PLXDC2: variants seen among roughly 807,000 people sequenced by gnomAD.
PLXDC2 encodes plexin domain containing 2.
A neutral mutation model predicts 68.9 loss-of-function variants in PLXDC2; 40 were observed. That is an observed-to-expected ratio of 0.58 (90% CI 0.45 to 0.76). The LOEUF (loss-of-function observed/expected upper bound fraction) is 0.76. Ranked by LOEUF, PLXDC2 falls within the 30% of genes least tolerant of loss-of-function variation. The pLI, the probability that PLXDC2 is intolerant of heterozygous loss-of-function variation, is 0.00. For missense variants in PLXDC2, 644 were observed against 661.9 expected (o/e 0.97, Z 0.30); for synonymous variants, 243 against 234.2 (o/e 1.04, Z -0.34).
intron 2 of PLXDC2, among the ~76,000 whole-genome samples, chr10:20,018,795 A>C (rs770633998): frequency 6.6e-6 from 1 of 152,204 alleles, no homozygotes; most frequent in African/African-American, 2.4e-5. Flanking sequence ...CAAAAGATTC[A>C]ATTTTTAATA....
chr10:19,834,376 T>C (rs1675186505), intron 1 of PLXDC2, among the ~76,000 whole-genome samples: 1 of 151,950 alleles, frequency 6.6e-6, no homozygotes, highest in Admixed American at 6.6e-5. Context: ...TCTGTGTGTG[T>C]CTGTGAAGAG....
chr10:20,142,246 A>G (rs1834016269), intron 4 of PLXDC2, among the ~76,000 whole-genome samples: 1 of 152,110 alleles, frequency 6.6e-6, no homozygotes, highest in African/African-American at 2.4e-5. Context: ...AAGTAGAAAA[A>G]TGATTTATAT....
chr10:20,067,407 C>T (rs979236432), intron 3 of PLXDC2, among the ~76,000 whole-genome samples: 7 of 152,180 alleles, frequency 4.6e-5, no homozygotes, highest in East Asian at 1.9e-4. Flanking sequence ...GCAGGTCAGC[C>T]GGGCATGGTG....
At chr10:19,969,647 TGG>T (rs1564642892) in intron 1 of PLXDC2, among the ~76,000 whole-genome samples, 1 of 152,224 alleles carries the variant, frequency 6.6e-6, no homozygotes, top group Non-Finnish European at 1.5e-5. Context: ...GGACATACCA[TGG>T]GAAGATCTCT....
At chr10:20,225,188 G>A (rs576940658) in intron 12 of PLXDC2, among the ~76,000 whole-genome samples, 20 of 152,136 alleles carry the variant, frequency 1.3e-4, no homozygotes, top group East Asian at 5.8e-4. Flanking sequence ...TTTTCATCCC[G>A]AGATAAAATT....
intron 1 of PLXDC2, among the ~76,000 whole-genome samples, chr10:19,908,291 G>T (rs142057490): frequency 3.3e-4 from 50 of 152,250 alleles, no homozygotes; most frequent in African/African-American, 1.0e-3. Context: ...GACATTTTAA[G>T]AAGTTTTCTA....
At chr10:19,903,481 C>T (rs1472657180) in intron 1 of PLXDC2, among the ~76,000 whole-genome samples, 2 of 151,764 alleles carry the variant, frequency 1.3e-5, no homozygotes, top group Non-Finnish European at 2.9e-5. Context: ...CTCACAGTAC[C>T]CTTGAATAAT....
chr10:20,185,304 G>T (rs977388247), intron 9 of PLXDC2, among the ~76,000 whole-genome samples: 1 of 151,564 alleles, frequency 6.6e-6, no homozygotes, highest in African/African-American at 2.4e-5. Context: ...TGTATTAAGA[G>T]ACAATGTGTC....
At chr10:20,270,522 T>C (rs1835924512) in intron 13 of PLXDC2, among the ~76,000 whole-genome samples, 1 of 152,080 alleles carries the variant, frequency 6.6e-6, no homozygotes, top group Non-Finnish European at 1.5e-5. Context: ...GTCCAGAATC[T>C]GAGCAACTGA....
At chr10:19,844,584 T>C (rs1169279972) in intron 1 of PLXDC2, among the ~76,000 whole-genome samples, 1 of 151,918 alleles carries the variant, frequency 6.6e-6, no homozygotes, top group Non-Finnish European at 1.5e-5. Flanking sequence ...ATTTTTATTT[T>C]TATTTTTCAA....
At chr10:20,064,100 C>G (rs1836152272) in intron 3 of PLXDC2, among the ~76,000 whole-genome samples, 2 of 151,058 alleles carry the variant, frequency 1.3e-5, no homozygotes, top group African/African-American at 4.9e-5. Flanking sequence ...GGTCTTCCCA[C>G]CACCATTTTC....
chr10:19,859,160 C>T (rs1424637324), intron 1 of PLXDC2, among the ~76,000 whole-genome samples: 7 of 152,108 alleles, frequency 4.6e-5, no homozygotes, highest in Non-Finnish European at 7.4e-5. Context: ...CATGAGGGAT[C>T]TGACCTCAGG....
At chr10:19,879,818 G>A (rs777078781) in intron 1 of PLXDC2, among the ~76,000 whole-genome samples, 24 of 152,114 alleles carry the variant, frequency 1.6e-4, no homozygotes, top group Non-Finnish European at 3.4e-4. Flanking sequence ...TCTGATTTTT[G>A]TGGTCAGTGA....
chr10:19,979,688 A>G (rs1437237163), intron 1 of PLXDC2, among the ~76,000 whole-genome samples: 1 of 152,140 alleles, frequency 6.6e-6, no homozygotes, highest in East Asian at 1.9e-4. Context: ...ACTTTTTCAA[A>G]TTATCACCTG....
At chr10:20,274,000 C>A (rs1263526973) in intron 13 of PLXDC2, among the ~76,000 whole-genome samples, 1 of 150,264 alleles carries the variant, frequency 6.7e-6, no homozygotes, top group African/African-American at 2.4e-5. Context: ...GATCATGCCA[C>A]CATACTCCAG....
chr10:19,887,624 A>G (rs563475808), intron 1 of PLXDC2, among the ~76,000 whole-genome samples: 1 of 152,240 alleles, frequency 6.6e-6, no homozygotes, highest in Non-Finnish European at 1.5e-5. Context: ...GGATAAATAA[A>G]AAGTGTGAGT....
rs1836080835 is a variant in PLXDC2 at position 20,281,442 on chromosome 10, A to G, written c.*1623A>G. On this transcript the variant is annotated 3_prime_UTR_variant, in exon 14 of 14. Coordinates refer to ENST00000377252, the MANE Select transcript of PLXDC2 (RefSeq NM_032812.9). ...TCAACATTTGCAGATTCAGGTCTCA[A>G]GAAGCAGAGATGTCTCATAAGCAGC... 6.6e-6 allele frequency: 1 copy of G among 152,194 alleles called. No individual in the cohort carries two copies. Among genetic ancestry groups the G allele is most frequent in the Non-Finnish European group, 1.5e-5 (1 of 68,042 alleles). The allele number at this position is 152,194 out of a possible 1,614,324, so 9.4% of individuals were successfully genotyped here.
intron 1 of PLXDC2, among the ~76,000 whole-genome samples, chr10:19,867,829 A>T (rs1470539394): frequency 1.3e-5 from 2 of 152,182 alleles, no homozygotes; most frequent in East Asian, 3.9e-4. Context: ...TGCAGAAAAA[A>T]ATATAGTGTG....
intron 1 of PLXDC2, among the ~76,000 whole-genome samples, chr10:19,877,592 G>A (rs1837656066): frequency 1.3e-5 from 2 of 152,208 alleles, no homozygotes; most frequent in African/African-American, 4.8e-5. Context: ...GCTGGAATGT[G>A]GACCTGATAA....
Sources: gnomAD v4.1 joint callset for allele counts (sites outside exome capture counted in the v4.1 genomes callset) on GRCh38, gnomAD v4.1.1 for gene constraint, MANE v1.5 for transcripts, NCBI Gene and HGNC (gene_info 2026-07-23, HGNC 2026-07-21) for gene names.